DNAH6: variants seen among roughly 807,000 people sequenced by gnomAD.
The protein encoded by DNAH6 is axonemal beta dynein heavy chain 6.
DNAH6 carries 340 observed loss-of-function variants against 491.4 expected under a neutral mutation model. The observed-to-expected ratio is 0.69, with a 90% CI of 0.63 to 0.76. The LOEUF (loss-of-function observed/expected upper bound fraction) is 0.76, where lower values mean the gene tolerates loss of function less well. Among genes scored for constraint, DNAH6 ranks in the 30% least tolerant of loss-of-function variants. The probability of loss-of-function intolerance (pLI) is 0.00; values close to 1 mark genes in which losing one functional copy is unlikely to be tolerated. For synonymous variants in DNAH6, 1,603 were observed against 1,686.1 expected, an observed-to-expected ratio of 0.95 and a Z score of 1.21; for missense variants, 4,443 against 4,972.2, an observed-to-expected ratio of 0.89 and a Z score of 3.20.
chr2:84,646,138 TA>T (rs1240161139), intron 33 of DNAH6, among the ~76,000 whole-genome samples: 2 of 152,242 alleles, frequency 1.3e-5, no homozygotes, highest in Admixed American at 1.3e-4. Flanking sequence ...CAAACTTTTT[TA>T]TTATTGTATC....
chr2:84,488,753 G>A, the DNAH6 span, among the ~76,000 whole-genome samples: 1 of 152,146 alleles, frequency 6.6e-6, no homozygotes, highest in Non-Finnish European at 1.5e-5. Flanking sequence ...GCCATGTAAG[G>A]AGACATATTT....
At chr2:84,627,665 C>T (rs979510008) in intron 29 of DNAH6, among the ~76,000 whole-genome samples, 2 of 152,040 alleles carry the variant, frequency 1.3e-5, no homozygotes, top group African/African-American at 4.8e-5. Flanking sequence ...TTTGGTTTGT[C>T]ATTTTGGGGA....
chr2:84,606,251 T>C (rs1685752551), intron 20 of DNAH6, among the ~76,000 whole-genome samples: 1 of 152,124 alleles, frequency 6.6e-6, no homozygotes, highest in African/African-American at 2.4e-5. Context: ...TAAAATAGCT[T>C]TTCCAGGTGT....
intron 29 of DNAH6, among the ~76,000 whole-genome samples, chr2:84,631,031 ATTAATTGC>A (rs1276337203): frequency 2.0e-5 from 3 of 152,234 alleles, no homozygotes; most frequent in Non-Finnish European, 2.9e-5. Context: ...CTAATGGTCA[ATTAATTGC>A]TACACAATTC....
In DNAH6 at chr2:84,701,199, G is replaced by A. The variant is rs547686275; in HGVS notation, c.7921G>A (p.Val2641Ile). ...KEKLPLMCVNVHLSVSSMAER... is the reference protein window; with the variant it reads ...KEKLPLMCVNIHLSVSSMAER... ...AAAGCTTCCCTTGATGTGCGTGAACGTTCACTTGAGTGTCTCCAGCATGGC... is the reference window on the plus strand; with the variant it reads ...AAAGCTTCCCTTGATGTGCGTGAACATTCACTTGAGTGTCTCCAGCATGGC... Residue 2641 changes from valine to isoleucine, a missense_variant, in exon 49 of 77, where the codon GTT becomes ATT. Physicochemically the swap from Val to Ile is conservative, Grantham distance 29 (BLOSUM62 3). This residue lies in a region of DNAH6 where 2,977 missense variants were observed against 3,296.6 expected (regional missense o/e 0.90). Transcript: ENST00000389394. 103 of 1,551,756 alleles carry A rather than the reference G, an allele frequency of 6.6e-5. No homozygotes were observed. Among genetic ancestry groups the A allele is most frequent in the African/African-American group, 5.7e-4 (42 of 73,160 alleles).
intron 7 of DNAH6, 72 bp from the exon 8 acceptor site, chr2:84,548,216 C>T (rs890737523): frequency 6.9e-7 from 1 of 1,439,072 alleles, no homozygotes; most frequent in African/African-American, 1.4e-5. Flanking sequence ...TTTATCTTTT[C>T]TTTGAATCAT....
intron 7 of DNAH6, among the ~76,000 whole-genome samples, chr2:84,548,054 C>T (rs1468832565): frequency 6.6e-6 from 1 of 152,172 alleles, no homozygotes; most frequent in African/African-American, 2.4e-5. Context: ...GCATAATATA[C>T]AGATCAAATC....
chr2:84,766,890 C>T (rs1254714491), intron 64 of DNAH6, among the ~76,000 whole-genome samples: 1 of 152,134 alleles, frequency 6.6e-6, no homozygotes, highest in East Asian at 1.9e-4. Context: ...TAGGTTTGCA[C>T]TCCAAGGAGA....
intron 23 of DNAH6, among the ~76,000 whole-genome samples, 162 bp from the exon 24 acceptor site, chr2:84,619,523 T>G (rs892565885): frequency 2.6e-5 from 4 of 152,150 alleles, no homozygotes; most frequent in Non-Finnish European, 5.9e-5. Context: ...AGAAATCATG[T>G]TTAGAGATAT....
the DNAH6 span, among the ~76,000 whole-genome samples, chr2:84,500,000 G>T: frequency 6.6e-6 from 1 of 151,248 alleles, no homozygotes; most frequent in Non-Finnish European, 1.5e-5. Context: ...CTTTGTTATC[G>T]TACCCTTTGC....
At chr2:84,609,224 G>C (rs909232656) in intron 21 of DNAH6, among the ~76,000 whole-genome samples, 2 of 152,116 alleles carry the variant, frequency 1.3e-5, no homozygotes, top group Non-Finnish European at 2.9e-5. Flanking sequence ...TTTATCATTT[G>C]TGTCTACACT....
intron 4 of DNAH6, among the ~76,000 whole-genome samples, chr2:84,537,907 T>C (rs1460700): frequency 0.92 from 140,075 of 152,110 alleles, 64,725 homozygotes; most frequent in East Asian, 1. Context: ...TAAGTCTTTG[T>C]GATGTTAATG....
intron 9 of DNAH6, 101 bp downstream of exon 9, chr2:84,550,158 AAAG>A: frequency 1.0e-6 from 1 of 986,146 alleles, no homozygotes. Flanking sequence ...ACTAAAAAAA[AAAG>A]AGAAATGCAT....
intron 22 of DNAH6, among the ~76,000 whole-genome samples, chr2:84,613,755 G>T (rs1573224147): frequency 6.6e-6 from 1 of 151,888 alleles, no homozygotes; most frequent in Non-Finnish European, 1.5e-5. Context: ...TCAAAAGTGG[G>T]ATACACCAGC....
chr2:84,525,939 C>T (rs1489203906), intron 3 of DNAH6, among the ~76,000 whole-genome samples: 2 of 152,086 alleles, frequency 1.3e-5, no homozygotes, highest in East Asian at 3.9e-4. Context: ...AAACTTTCAC[C>T]ATCTGTACAG....
chr2:84,590,768 C>A (rs1428178582), intron 16 of DNAH6, among the ~76,000 whole-genome samples: 1 of 152,152 alleles, frequency 6.6e-6, no homozygotes, highest in Non-Finnish European at 1.5e-5. Context: ...ATAATTCCTG[C>A]CCCCAGCACA....
At chr2:84,471,475 T>C in the DNAH6 span, among the ~76,000 whole-genome samples, 1 of 152,204 alleles carries the variant, frequency 6.6e-6, no homozygotes, top group Non-Finnish European at 1.5e-5. Flanking sequence ...TCATGCTGAA[T>C]AGGGGCGATG....
intron 45 of DNAH6, 42 bp downstream of exon 45, chr2:84,688,635 T>G: frequency 6.9e-7 from 1 of 1,455,082 alleles, no homozygotes; most frequent in Non-Finnish European, 9.1e-7. Flanking sequence ...TGATTTAATA[T>G]TTTTTGTATT....
At chr2:84,513,781 C>T (rs921144888), upstream of DNAH6, among the ~76,000 whole-genome samples, 12 of 151,870 alleles carry the variant, frequency 7.9e-5, no homozygotes, top group Non-Finnish European at 1.5e-4. Context: ...ATTTTTTTCC[C>T]CAGACCACAT....
Sources: gnomAD v4.1 joint callset for allele counts (sites outside exome capture counted in the v4.1 genomes callset) on GRCh38, gnomAD v4.1.1 for gene constraint, gnomAD v4.1.1 regional missense constraint, MANE v1.5 for transcripts, NCBI Gene and HGNC (gene_info 2026-07-23, HGNC 2026-07-21) for gene names.